Variants in XKR9 observed in about 807,000 individuals in gnomAD.
XKR9 encodes XK related 9.
XKR9 carries 32 observed loss-of-function variants against 32.0 expected under a neutral mutation model. The ratio of observed to expected loss-of-function variants is 1.00; its 90% confidence interval spans 0.76 to 1.34. The LOEUF is 1.34. XKR9 is among the 40% of genes most tolerant of loss of function. XKR9 has a pLI of 0.00. For synonymous variants in XKR9, 168 were observed against 143.4 expected, an observed-to-expected ratio of 1.17 and a Z score of -1.22; for missense variants, 546 against 429.7, an observed-to-expected ratio of 1.27 and a Z score of -2.39.
At chr8:71,031,252 T>G in the XKR9 span, among the ~76,000 whole-genome samples, 1 of 152,186 alleles carries the variant, frequency 6.6e-6, no homozygotes, top group Non-Finnish European at 1.5e-5. Context: ...TTATAATGGA[T>G]TTTTATAATA....
the XKR9 span, among the ~76,000 whole-genome samples, chr8:70,931,141 G>A: frequency 7.5e-6 from 1 of 133,228 alleles, no homozygotes; most frequent in Non-Finnish European, 1.5e-5. Flanking sequence ...TCTGTTTCAA[G>A]CTTAAGTAAA....
the XKR9 span, among the ~76,000 whole-genome samples, chr8:71,063,597 T>C: frequency 6.6e-6 from 1 of 152,038 alleles, no homozygotes; most frequent in Admixed American, 6.6e-5. Flanking sequence ...ATTTCTGGCT[T>C]TATGAATACC....
chr8:70,791,221 C>T (rs1343181856), downstream of XKR9, among the ~76,000 whole-genome samples: 2 of 151,712 alleles, frequency 1.3e-5, no homozygotes, highest in Non-Finnish European at 2.9e-5. Context: ...TTTGTAATCC[C>T]AGCGCTTTGG....
the XKR9 span, among the ~76,000 whole-genome samples, chr8:70,920,491 A>T: frequency 2.0e-5 from 3 of 152,218 alleles, no homozygotes. Context: ...ATCATAAAAA[A>T]TAACCTGAAA....
At chr8:70,812,141 G>A in the XKR9 span, among the ~76,000 whole-genome samples, 8 of 152,106 alleles carry the variant, frequency 5.3e-5, no homozygotes, top group South Asian at 2.1e-4. Context: ...TTCAACATAC[G>A]CAAATCAAGA....
At chr8:70,856,940 A>T in the XKR9 span, among the ~76,000 whole-genome samples, 5 of 152,304 alleles carry the variant, frequency 3.3e-5, no homozygotes, top group South Asian at 1.0e-3. Flanking sequence ...ACAAAGACAC[A>T]ACATACCAGA....
chr8:71,010,961 G>C, the XKR9 span, among the ~76,000 whole-genome samples: 1 of 152,150 alleles, frequency 6.6e-6, no homozygotes, highest in African/African-American at 2.4e-5. Context: ...AAAATAGATA[G>C]ATGGCGTGAT....
chr8:70,720,435 A>T (rs1806238692), intron 4 of XKR9, among the ~76,000 whole-genome samples: 1 of 152,072 alleles, frequency 6.6e-6, no homozygotes, highest in Non-Finnish European at 1.5e-5. Flanking sequence ...GGCTATGGAT[A>T]TGCCATAAAT....
chr8:70,880,329 A>G, the XKR9 span, among the ~76,000 whole-genome samples: 1 of 152,198 alleles, frequency 6.6e-6, no homozygotes, highest in Non-Finnish European at 1.5e-5. Context: ...GAGGAAGTCA[A>G]ATTGTCCCTG....
intron 2 of XKR9, 70 bp downstream of exon 2, chr8:70,674,969 A>G (rs1171294096): frequency 2.0e-5 from 3 of 152,210 alleles, no homozygotes; most frequent in Non-Finnish European, 4.4e-5. Context: ...ATTTCTTTAA[A>G]TATCTGCTTT....
At chr8:70,820,899 A>T in the XKR9 span, among the ~76,000 whole-genome samples, 1 of 152,168 alleles carries the variant, frequency 6.6e-6, no homozygotes, top group African/African-American at 2.4e-5. Context: ...AAGCCTAACC[A>T]CATCATTTTG....
chr8:70,941,894 G>A, the XKR9 span, among the ~76,000 whole-genome samples: 1 of 151,922 alleles, frequency 6.6e-6, no homozygotes, highest in East Asian at 1.9e-4. Flanking sequence ...TACTTTTAGT[G>A]CATAAAAAGT....
chr8:70,753,938 A>G (rs535603123), intron 2 of XKR9, among the ~76,000 whole-genome samples: 32 of 136,298 alleles, frequency 2.3e-4, no homozygotes, highest in African/African-American at 8.0e-4. Context: ...GGAGAAGGAA[A>G]TAAAGGGTAT....
the XKR9 span, among the ~76,000 whole-genome samples, chr8:70,924,160 G>A: frequency 2.2e-4 from 34 of 152,096 alleles, no homozygotes; most frequent in Non-Finnish European, 4.6e-4. Flanking sequence ...GATGGCTCCC[G>A]TATGCCACTT....
the XKR9 span, among the ~76,000 whole-genome samples, chr8:70,892,119 C>A: frequency 6.6e-6 from 1 of 152,054 alleles, no homozygotes; most frequent in African/African-American, 2.4e-5. Flanking sequence ...CTTTTTCCAT[C>A]CCTTTACTTT....
chr8:70,738,557 A>C (rs1466740161), downstream of XKR9, among the ~76,000 whole-genome samples: 1 of 150,226 alleles, frequency 6.7e-6, no homozygotes, highest in Admixed American at 6.6e-5. Flanking sequence ...TTTAATTGTG[A>C]TGTTAGGGTG....
chr8:70,863,312 A>G, the XKR9 span, among the ~76,000 whole-genome samples: 2 of 152,204 alleles, frequency 1.3e-5, no homozygotes, highest in Admixed American at 6.5e-5. Context: ...TAGGTATGCT[A>G]TTCACAAGAC....
the XKR9 span, among the ~76,000 whole-genome samples, chr8:71,050,382 T>C: frequency 1.6e-4 from 24 of 151,516 alleles, no homozygotes; most frequent in South Asian, 8.3e-4. Flanking sequence ...AAAATTATTA[T>C]GGATTCTTAA....
At chr8:71,063,429 G>C in the XKR9 span, among the ~76,000 whole-genome samples, 1 of 152,076 alleles carries the variant, frequency 6.6e-6, no homozygotes, top group African/African-American at 2.4e-5. Context: ...TTGTACTTCT[G>C]GGTAGGAGCA....
Sources: gnomAD v4.1 joint callset for allele counts (sites outside exome capture counted in the v4.1 genomes callset) on GRCh38, gnomAD v4.1.1 for gene constraint, MANE v1.5 for transcripts, NCBI Gene and HGNC (gene_info 2026-07-23, HGNC 2026-07-21) for gene names.